Variants in TMEM108 observed in about 807,000 individuals in gnomAD.
The protein encoded by TMEM108 is cancer/testis antigen 124.
A neutral mutation model predicts 35.1 loss-of-function variants in TMEM108; 12 were observed. That is an observed-to-expected ratio of 0.34 (90% CI 0.22 to 0.55). The LOEUF (loss-of-function observed/expected upper bound fraction) is 0.55. Among genes scored for constraint, TMEM108 ranks in the 20% least tolerant of loss-of-function variants. TMEM108 has a pLI of 0.89. For synonymous variants in TMEM108, 287 were observed against 308.6 expected (o/e 0.93, Z 0.73); for missense variants, 680 against 753.3 (o/e 0.90, Z 1.14).
intron 2 of TMEM108, among the ~76,000 whole-genome samples, chr3:133,055,098 CTG>C (rs1461196056): frequency 1.3e-5 from 2 of 152,164 alleles, no homozygotes; most frequent in Non-Finnish European, 2.9e-5. Context: ...TCTTCAGACT[CTG>C]TGAAGATCCC....
intron 2 of TMEM108, among the ~76,000 whole-genome samples, chr3:133,184,767 G>T (rs893100102): frequency 6.6e-6 from 1 of 152,158 alleles, no homozygotes; most frequent in African/African-American, 2.4e-5. Context: ...GAGAAACCCT[G>T]TTACCTTTAG....
intron 2 of TMEM108, among the ~76,000 whole-genome samples, chr3:133,086,096 C>T (rs1207081538): frequency 1.3e-5 from 2 of 152,130 alleles, no homozygotes; most frequent in African/African-American, 4.8e-5. Flanking sequence ...ATTCTCAGAT[C>T]CTGACCTTGT....
chr3:133,157,359 A>G (rs1244628005), intron 2 of TMEM108, among the ~76,000 whole-genome samples: 1 of 152,212 alleles, frequency 6.6e-6, no homozygotes, highest in Non-Finnish European at 1.5e-5. Context: ...CAAAGTTTCT[A>G]TGTAGATCAT....
chr3:133,222,461 A>G (rs1197682489), intron 2 of TMEM108, among the ~76,000 whole-genome samples: 4 of 151,938 alleles, frequency 2.6e-5, no homozygotes, highest in African/African-American at 9.7e-5. Flanking sequence ...TCTATTATTT[A>G]TTTTTAAACT....
At chr3:133,247,033 C>G (rs1946396940) in intron 3 of TMEM108, 1 of 152,174 alleles carries the variant, frequency 6.6e-6, no homozygotes, top group Non-Finnish European at 1.5e-5. Flanking sequence ...ATGTCCAGGG[C>G]TCAGATGCCC....
chr3:133,370,918 G>GTGTGTGTGTGTGTGTGTGTGTA (rs2072646856), intron 3 of TMEM108, among the ~76,000 whole-genome samples: 1 of 143,712 alleles, frequency 7.0e-6, no homozygotes, highest in African/African-American at 2.6e-5. Context: ...GTGTGTGTGT[G>GTGTGTGTGTGTGTGTGTGTGTA]TGTGCCAGGA....
intron 2 of TMEM108, among the ~76,000 whole-genome samples, chr3:133,118,794 G>C (rs540388557): frequency 6.6e-6 from 1 of 152,268 alleles, no homozygotes; most frequent in East Asian, 1.9e-4. Context: ...AGATGCCAGG[G>C]TGTTTCAGTT....
At chr3:133,287,471 G>A (rs772327989) in intron 3 of TMEM108, among the ~76,000 whole-genome samples, 2 of 152,152 alleles carry the variant, frequency 1.3e-5, no homozygotes, top group African/African-American at 4.8e-5. Flanking sequence ...TCTTCTGTAG[G>A]TTGTCCTGGA....
At chr3:133,383,169 A>G (rs545255389) in intron 4 of TMEM108, among the ~76,000 whole-genome samples, 34 of 152,312 alleles carry the variant, frequency 2.2e-4, no homozygotes, top group Admixed American at 1.9e-3. Context: ...TAATTTTCCA[A>G]TCTTTACATG....
intron 3 of TMEM108, among the ~76,000 whole-genome samples, chr3:133,366,842 G>A (rs2072512757): frequency 6.6e-6 from 1 of 152,220 alleles, no homozygotes; most frequent in Non-Finnish European, 1.5e-5. Context: ...CTGGACCCTT[G>A]TTGACTTCAG....
chr3:133,234,435 G>C (rs1946202178), intron 3 of TMEM108, among the ~76,000 whole-genome samples: 1 of 152,112 alleles, frequency 6.6e-6, no homozygotes, highest in Non-Finnish European at 1.5e-5. Context: ...GGGATGCAAG[G>C]CTGTTTCAAT....
chr3:133,170,375 A>G lies in TMEM108; in HGVS notation c.-46-58891A>G, dbSNP rs904851759. Among the ~76,000 whole-genome samples the G allele has an allele frequency of 8.5e-5, 13 of 152,228 alleles. 1 individual carries two copies. In the South Asian group the frequency reaches 2.7e-3, roughly 32 times the overall value. ...CAGTTAAAAAAACTTGAAATTTTCTAAGATGCTACCTATTCAAAGCTCTGC... is the reference window on the plus strand; with the variant it reads ...CAGTTAAAAAAACTTGAAATTTTCTGAGATGCTACCTATTCAAAGCTCTGC... On this transcript the variant is annotated intron_variant, in intron 2 of 5. Transcript: ENST00000321871.
intron 3 of TMEM108, among the ~76,000 whole-genome samples, chr3:133,243,973 G>C (rs1946349666): frequency 6.6e-6 from 1 of 152,172 alleles, no homozygotes. Context: ...GGAAAGGGAA[G>C]AAAGGATGAG....
chr3:133,271,187 C>G (rs1228405140), intron 3 of TMEM108, among the ~76,000 whole-genome samples: 1 of 152,040 alleles, frequency 6.6e-6, no homozygotes, highest in Non-Finnish European at 1.5e-5. Context: ...TTGTAGAGAC[C>G]AGGCAAGACT....
chr3:133,073,510 C>CTCTCTCTCTCTCTCTCTATA, intron 2 of TMEM108, among the ~76,000 whole-genome samples: 86 of 43,872 alleles, frequency 2.0e-3, no homozygotes, highest in African/African-American at 4.3e-3. Flanking sequence ...CTCTCTCTCT[C>CTCTCTCTCTCTCTCTCTATA]TATATATATA....
Position 133,107,398 on chromosome 3 carries a change from T to C in TMEM108, c.-47+61378T>C, listed in dbSNP as rs573783934. Among the ~76,000 whole-genome samples, 322 of 151,982 alleles carry C rather than the reference T, an allele frequency of 2.1e-3. 3 individuals carry two copies. The highest frequency in any genetic ancestry group is 7.5e-3 in the African/African-American group (312 of 41,416). On this transcript the variant is annotated intron_variant, in intron 2 of 5. Coordinates refer to ENST00000321871, the MANE Select transcript of TMEM108 (RefSeq NM_023943.4). ...AGAGCCCATGAAAGATAAAACAGCT[T>C]ATTCCAAGAGTATGCCGAGGCAAAT...
At chr3:133,121,486 A>G (rs1559838743) in intron 2 of TMEM108, among the ~76,000 whole-genome samples, 1 of 152,210 alleles carries the variant, frequency 6.6e-6, no homozygotes, top group Non-Finnish European at 1.5e-5. Flanking sequence ...GCTAAAAGGG[A>G]AAAACTCCCA....
chr3:133,388,907 CTGCCAACCCCCGG>C (rs895970302), intron 4 of TMEM108: 1 of 985,546 alleles, frequency 1.0e-6, no homozygotes, highest in African/African-American at 1.7e-5. Context: ...AGCTGGCCCT[CTGCCAACCCCCGG>C]TGCTGGCCTC....
At position 133,353,208 on chromosome 3, in the gene TMEM108, C is replaced by T. The variant is rs749106430; in HGVS notation, c.41-26544C>T. On this transcript the variant is annotated intron_variant, in intron 3 of 5. Coordinates refer to ENST00000321871, the MANE Select transcript of TMEM108 (RefSeq NM_023943.4). ...GGTGGAGGAGATCCTTTCCCAAATA[C>T]TGGAAAGCTAGAGACAAAGATGTTT... is the stretch of plus-strand genomic sequence containing the variant. 2.1e-4 allele frequency among the ~76,000 whole-genome samples: 32 copies of T among 152,140 alleles called. 1 individual carries two copies. Among genetic ancestry groups the T allele is most frequent in the Non-Finnish European group, 4.7e-4 (32 of 68,008 alleles).
Sources: gnomAD v4.1 joint callset for allele counts (sites outside exome capture counted in the v4.1 genomes callset) on GRCh38, gnomAD v4.1.1 for gene constraint, MANE v1.5 for transcripts, NCBI Gene and HGNC (gene_info 2026-07-23, HGNC 2026-07-21) for gene names.